The following ZIM2 variants were observed in gnomAD, a reference collection of about 807,000 sequenced individuals.
The protein encoded by ZIM2 is zinc finger imprinted 2.
Under a neutral mutation model 38.6 loss-of-function variants are expected in ZIM2, and 14 were observed. That is an observed-to-expected ratio of 0.36 (90% confidence interval 0.24 to 0.57). The LOEUF (loss-of-function observed/expected upper bound fraction) is 0.57. Among genes scored for constraint, ZIM2 ranks in the 20% least tolerant of loss-of-function variants. The pLI, the probability that ZIM2 is intolerant of heterozygous loss-of-function variation, is 0.81. For missense variants in ZIM2, 680 were observed against 695.1 expected (o/e 0.98, Z 0.24); for synonymous variants, 247 against 245.8 (o/e 1.00, Z -0.04).
In ZIM2 at chr19:56,813,296, G is replaced by C. The variant is rs1217837322; in HGVS notation, c.490+4450C>G. ...ATAAATCCAAATATATGTGATCACT[G>C]TTCTGTCATAATTTGCTATTTTATA... On this transcript the variant is annotated intron_variant, in intron 9 of 12. Transcript: ENST00000629319. The C allele has an allele frequency of 6.4e-6, 6 of 939,728 alleles. No homozygotes were observed. In the East Asian group the frequency reaches 4.0e-4, roughly 63 times the overall value. 58.2% of individuals were successfully genotyped at this position (939,728 alleles called of 1,614,324 possible). A position where few individuals can be genotyped will look rare whatever the true frequency, so the allele number is the denominator to read the frequency against.
chr19:56,792,611 T>C (rs1372957497), intron 9 of ZIM2, among the ~76,000 whole-genome samples: 1 of 143,372 alleles, frequency 7.0e-6, no homozygotes, highest in Non-Finnish European at 1.5e-5. Flanking sequence ...AAACACTGGG[T>C]ATACATGGAC....
intron 9 of ZIM2, chr19:56,813,489 A>G: frequency 7.1e-7 from 1 of 1,401,770 alleles, no homozygotes; most frequent in East Asian, 2.6e-5. Flanking sequence ...CTGAAGGGGA[A>G]AGCTTAAGAC....
chr19:56,819,095 G>T (rs2060241756), intron 7 of ZIM2, among the ~76,000 whole-genome samples: 1 of 152,204 alleles, frequency 6.6e-6, no homozygotes, highest in Non-Finnish European at 1.5e-5. Context: ...GGCAGGTGGG[G>T]CCTTAAGTGG....
At chr19:56,816,023 T>A in intron 9 of ZIM2, 1 of 1,593,464 alleles carries the variant, frequency 6.3e-7, no homozygotes, top group Non-Finnish European at 8.5e-7. Flanking sequence ...AAGCTCTGAA[T>A]GGTAGACTCT....
chr19:56,831,983 T>A (rs1043489544), intron 2 of ZIM2, among the ~76,000 whole-genome samples: 5 of 152,202 alleles, frequency 3.3e-5, no homozygotes, highest in Non-Finnish European at 7.3e-5. Flanking sequence ...CATGATCTCA[T>A]GTATGTAAAA....
chr19:56,826,825 G>C (rs1405732118), intron 2 of ZIM2, among the ~76,000 whole-genome samples: 2 of 152,076 alleles, frequency 1.3e-5, no homozygotes, highest in African/African-American at 2.4e-5. Context: ...ACACATCTGA[G>C]GCACAGAGAG....
intron 9 of ZIM2, chr19:56,815,200 T>C: frequency 1.2e-6 from 2 of 1,614,006 alleles, no homozygotes; most frequent in East Asian, 2.2e-5. Context: ...AATTGTCTCC[T>C]GACCATGGGT....
intron 1 of ZIM2, among the ~76,000 whole-genome samples, chr19:56,838,738 G>A (rs2062529390): frequency 6.6e-6 from 1 of 152,230 alleles, no homozygotes; most frequent in South Asian, 2.1e-4. Flanking sequence ...CGGGGACTGA[G>A]CCAGTCCCAC....
chr19:56,816,492 A>C (rs1054218601), intron 9 of ZIM2: 4 of 1,613,270 alleles, frequency 2.5e-6, no homozygotes, highest in Non-Finnish European at 2.5e-6. Context: ...GGTTCCCTCT[A>C]GTATGGATTT....
At chr19:56,837,977 C>A (rs1044502028) in intron 1 of ZIM2, among the ~76,000 whole-genome samples, 1 of 152,172 alleles carries the variant, frequency 6.6e-6, no homozygotes, top group Non-Finnish European at 1.5e-5. Flanking sequence ...CATGCTATGG[C>A]CCCCCTCAGT....
At chr19:56,829,528 A>G (rs2061382665) in intron 2 of ZIM2, among the ~76,000 whole-genome samples, 1 of 152,182 alleles carries the variant, frequency 6.6e-6, no homozygotes, top group African/African-American at 2.4e-5. Flanking sequence ...TGTTACTGCT[A>G]TGTAACCACA....
chr19:56,798,455 A>C (rs1157396855), intron 9 of ZIM2: 2 of 152,208 alleles, frequency 1.3e-5, no homozygotes, highest in Admixed American at 1.3e-4. Context: ...ATATACAAAA[A>C]TCAACTCAAG....
intron 2 of ZIM2, chr19:56,833,059 G>C (rs923668325): frequency 2.2e-6 from 1 of 451,968 alleles, no homozygotes; most frequent in South Asian, 1.6e-5. Flanking sequence ...TGATGGGTCA[G>C]TGTTCAACTG....
chr19:56,832,277 G>C (rs2061646322), intron 2 of ZIM2, among the ~76,000 whole-genome samples: 1 of 152,070 alleles, frequency 6.6e-6, no homozygotes, highest in Admixed American at 6.5e-5. Flanking sequence ...CCCTTTCTCT[G>C]CTGGGTTCCC....
chr19:56,782,398 A>G (rs2046371958), intron 10 of ZIM2: 1 of 476,894 alleles, frequency 2.1e-6, no homozygotes, highest in Non-Finnish European at 4.1e-6. Flanking sequence ...TCAGCAGTAT[A>G]CCTCAGCCTC....
chr19:56,776,420 C>A (rs971927985), intron 12 of ZIM2, among the ~76,000 whole-genome samples: 1 of 152,164 alleles, frequency 6.6e-6, no homozygotes, highest in Non-Finnish European at 1.5e-5. Flanking sequence ...TTAATATGCA[C>A]CTTGAACCCT....
intron 10 of ZIM2, 117 bp downstream of exon 10, chr19:56,789,750 GTGATA>G: frequency 1.2e-6 from 1 of 861,792 alleles, no homozygotes; most frequent in Non-Finnish European, 1.6e-6. Context: ...GCTCAGTAAA[GTGATA>G]TTTATATAAA....
intron 9 of ZIM2, chr19:56,816,612 G>A (rs1165832238): frequency 1.9e-6 from 3 of 1,613,734 alleles, no homozygotes; most frequent in South Asian, 2.2e-5. Context: ...GGGCTGGGCT[G>A]GGCCTAAAGG....
intron 9 of ZIM2, among the ~76,000 whole-genome samples, chr19:56,797,171 C>T (rs950408736): frequency 1.6e-4 from 25 of 152,204 alleles, no homozygotes; most frequent in African/African-American, 5.5e-4. Flanking sequence ...TAAAAAATAG[C>T]TGGGTGTGGT....
Sources: allele counts gnomAD v4.1 joint callset (sites outside exome capture counted in the v4.1 genomes callset), GRCh38; gene constraint gnomAD v4.1.1; transcripts MANE v1.5; gene names NCBI Gene and HGNC (gene_info 2026-07-23, HGNC 2026-07-21).